The following ROR1 variants were observed in gnomAD, a reference collection of about 807,000 sequenced individuals.
The protein encoded by ROR1 is inactive tyrosine-protein kinase transmembrane receptor ROR1.
In ROR1, 19 loss-of-function variants were observed where a neutral mutation model predicts 78.8. The observed-to-expected ratio is 0.24, with a 90% CI of 0.17 to 0.35. The LOEUF is 0.35. Among genes scored for constraint, ROR1 ranks in the 10% least tolerant of loss-of-function variants. The pLI, the probability that ROR1 is intolerant of heterozygous loss-of-function variation, is 1.00. For missense variants in ROR1, 917 were observed against 1,177.8 expected, an observed-to-expected ratio of 0.78 and a Z score of 3.24; for synonymous variants, 386 against 433.6, an observed-to-expected ratio of 0.89 and a Z score of 1.36.
intron 1 of ROR1, among the ~76,000 whole-genome samples, chr1:63,900,238 G>C (rs973379569): frequency 6.6e-6 from 1 of 152,118 alleles, no homozygotes; most frequent in Non-Finnish European, 1.5e-5. Flanking sequence ...CAGATCACCT[G>C]AGGTCAGGAG....
intron 4 of ROR1, among the ~76,000 whole-genome samples, chr1:64,136,810 A>G (rs1206210807): frequency 1.3e-5 from 2 of 152,064 alleles, no homozygotes; most frequent in Non-Finnish European, 2.9e-5. Context: ...AACTCTCCAG[A>G]CTATGGTTTG....
intron 4 of ROR1, among the ~76,000 whole-genome samples, chr1:64,081,878 G>T (rs1328199338): frequency 2.0e-5 from 3 of 151,454 alleles, no homozygotes; most frequent in Admixed American, 1.3e-4. Context: ...ATAGAAAAAA[G>T]TCTGGAGGGA....
At chr1:63,845,244 G>C (rs1220812958) in intron 1 of ROR1, among the ~76,000 whole-genome samples, 1 of 152,102 alleles carries the variant, frequency 6.6e-6, no homozygotes, top group East Asian at 1.9e-4. Flanking sequence ...CTGAATTTCA[G>C]AATGCCAGTG....
rs905135277 is a variant in ROR1 at position 63,774,553 on chromosome 1, C to T, written c.91+45C>T. The stretch of plus-strand genomic sequence containing the variant: ...CCCCGCCCGCCCAGACCCCCTGACC[C>T]GTGGCCACCCTTCCGCCGTCCAGCC... On this transcript the variant is annotated intron_variant, in intron 1 of 8. Coordinates refer to ENST00000371079, the MANE Select transcript of ROR1 (RefSeq NM_005012.4). The surrounding 1 kb of genome is among the most constrained non-coding windows in gnomAD (Gnocchi z 5.7). 89 of 994,118 alleles carry T rather than the reference C, an allele frequency of 9.0e-5. No individual in the cohort carries two copies. In the African/African-American group the frequency reaches 1.5e-3, roughly 16 times the overall value. 61.6% of individuals were successfully genotyped at this position (994,118 alleles called of 1,614,324 possible).
chr1:64,018,099 C>T (rs1358413001), intron 2 of ROR1, among the ~76,000 whole-genome samples: 1 of 152,146 alleles, frequency 6.6e-6, no homozygotes, highest in Non-Finnish European at 1.5e-5. Context: ...CCTCAAGGTA[C>T]TTCCAGAAAC....
chr1:64,099,511 C>A (rs1216723546), intron 4 of ROR1, among the ~76,000 whole-genome samples: 1 of 151,978 alleles, frequency 6.6e-6, no homozygotes, highest in South Asian at 2.1e-4. Context: ...ACATTCTGCT[C>A]CAGAGCATTT....
At chr1:63,851,747 A>G (rs1645115169) in intron 1 of ROR1, among the ~76,000 whole-genome samples, 1 of 152,260 alleles carries the variant, frequency 6.6e-6, no homozygotes, top group African/African-American at 2.4e-5. Context: ...GATTTATACA[A>G]AACATGTGCT....
At chr1:63,887,037 C>A (rs1645362015) in intron 1 of ROR1, among the ~76,000 whole-genome samples, 1 of 152,220 alleles carries the variant, frequency 6.6e-6, no homozygotes. Context: ...GCAGGATTGA[C>A]AGCCCAGGAG....
chr1:63,958,957 G>A (rs1174397523), intron 1 of ROR1, among the ~76,000 whole-genome samples: 3 of 152,124 alleles, frequency 2.0e-5, no homozygotes, highest in Admixed American at 2.0e-4. Context: ...AATAAAACTA[G>A]AGATCTGTTA....
intron 2 of ROR1, among the ~76,000 whole-genome samples, chr1:64,023,958 T>C (rs1053440793): frequency 6.6e-6 from 1 of 152,144 alleles, no homozygotes; most frequent in Non-Finnish European, 1.5e-5. Context: ...CTTGTGATAG[T>C]GAGTGAGTTC....
chr1:63,962,827 G>C (rs1451597), intron 1 of ROR1, among the ~76,000 whole-genome samples: 40,526 of 152,048 alleles, frequency 0.27, 6,975 homozygotes, highest in African/African-American at 0.49. Flanking sequence ...GGATACACCC[G>C]TGGATTTTAA....
At chr1:63,968,200 A>C (rs1646091328) in intron 1 of ROR1, among the ~76,000 whole-genome samples, 1 of 152,206 alleles carries the variant, frequency 6.6e-6, no homozygotes. Flanking sequence ...AATGTAGATA[A>C]CGATTTATGG....
intron 1 of ROR1, among the ~76,000 whole-genome samples, chr1:64,004,564 G>A (rs1330124913): frequency 6.6e-6 from 1 of 152,188 alleles, no homozygotes; most frequent in Non-Finnish European, 1.5e-5. Context: ...TGGGCTGGCC[G>A]CTGGTCTTGT....
At chr1:64,153,428 G>A (rs1049079741) in intron 7 of ROR1, among the ~76,000 whole-genome samples, 2 of 152,116 alleles carry the variant, frequency 1.3e-5, no homozygotes, top group Admixed American at 6.5e-5. Context: ...AATTGAAGTC[G>A]GGGTCTCAAA....
At chr1:63,865,450 C>T (rs1323750204) in intron 1 of ROR1, among the ~76,000 whole-genome samples, 1 of 152,172 alleles carries the variant, frequency 6.6e-6, no homozygotes, top group Non-Finnish European at 1.5e-5. Context: ...ATTTCAATTG[C>T]AGTTCAGGCA....
intron 1 of ROR1, among the ~76,000 whole-genome samples, chr1:63,916,582 C>T (rs1019672277): frequency 6.6e-6 from 1 of 152,218 alleles, no homozygotes; most frequent in African/African-American, 2.4e-5. Context: ...AACATTGTGC[C>T]AGTGTAATTT....
rs1240534777 is a variant in ROR1, at chr1:63,994,306, A to T, written c.92-14999A>T. Among the ~76,000 whole-genome samples, 5 of 151,928 alleles carry T rather than the reference A, an allele frequency of 3.3e-5. No homozygotes were observed. In the East Asian group the frequency reaches 7.7e-4, roughly 23 times the overall value. The stretch of plus-strand genomic sequence containing the variant: ...TCCCTAGTTTGACATATGTCTTTTG[A>T]TATTAATAACCCATTTATGCCTAAG... On this transcript the variant is annotated intron_variant, in intron 1 of 8. Transcript: ENST00000371079.
In ROR1 at chr1:63,812,083, C is replaced by T. The variant is rs557491476; in HGVS notation, c.91+37575C>T. Among the ~76,000 whole-genome samples, 3 of 151,872 alleles carry T rather than the reference C, an allele frequency of 2.0e-5. No individual in the cohort carries two copies. In the South Asian group the frequency reaches 6.3e-4, roughly 32 times the overall value. ...TCAAGCAATTCTCCTGCCTCAGCCT[C>T]TCCAGTAGTTGGGATTATAGGTGTG... On this transcript the variant is annotated intron_variant, in intron 1 of 8. Coordinates refer to ENST00000371079, the MANE Select transcript of ROR1 (RefSeq NM_005012.4).
At chr1:63,959,331 G>A (rs545939897) in intron 1 of ROR1, among the ~76,000 whole-genome samples, 6 of 152,234 alleles carry the variant, frequency 3.9e-5, no homozygotes, top group East Asian at 1.9e-4. Context: ...TAAGATTTGG[G>A]TGGGGACACA....
Sources: gnomAD v4.1 joint callset for allele counts (sites outside exome capture counted in the v4.1 genomes callset) on GRCh38, gnomAD v4.1.1 for gene constraint, Gnocchi (gnomAD v3.1) non-coding constraint, MANE v1.5 for transcripts, NCBI Gene and HGNC (gene_info 2026-07-23, HGNC 2026-07-21) for gene names.